DOCK3: variants seen among roughly 807,000 people sequenced by gnomAD.
DOCK3 encodes the protein dedicator of cytokinesis 3, also known as dedicator of cytokinesis protein 3.
DOCK3 carries 60 observed loss-of-function variants against 265.6 expected under a neutral mutation model. The observed-to-expected ratio is 0.23, with a 90% CI of 0.18 to 0.28. The LOEUF is 0.28. DOCK3 is among the 10% of genes least tolerant of loss of function. DOCK3 has a pLI of 1.00. For synonymous variants in DOCK3, 881 were observed against 938.0 expected, an observed-to-expected ratio of 0.94 and a Z score of 1.11; for missense variants, 1,981 against 2,594.3, an observed-to-expected ratio of 0.76 and a Z score of 5.14.
At chr3:50,733,704 T>A (rs1013549925) in intron 1 of DOCK3, among the ~76,000 whole-genome samples, 2 of 152,232 alleles carry the variant, frequency 1.3e-5, no homozygotes, top group African/African-American at 4.8e-5. Context: ...TTGGAGAATT[T>A]AATCTATTTG....
chr3:51,195,527 G>A (rs2088230673), intron 12 of DOCK3, among the ~76,000 whole-genome samples: 1 of 151,972 alleles, frequency 6.6e-6, no homozygotes, highest in Non-Finnish European at 1.5e-5. Flanking sequence ...TGATTCTCCT[G>A]CCACAGCCTC....
chr3:50,678,025 TATC>T (rs1039075166), intron 1 of DOCK3, among the ~76,000 whole-genome samples: 1 of 152,158 alleles, frequency 6.6e-6, no homozygotes, highest in African/African-American at 2.4e-5. Flanking sequence ...GTCTTAATGT[TATC>T]ATTATTACAC....
At chr3:51,057,745 G>A (rs1234073732) in intron 5 of DOCK3, among the ~76,000 whole-genome samples, 3 of 152,122 alleles carry the variant, frequency 2.0e-5, no homozygotes, top group Non-Finnish European at 2.9e-5. Flanking sequence ...TAGGGTCTCT[G>A]GTCAGAGAGG....
At chr3:50,860,176 C>T (rs944107386) in intron 3 of DOCK3, among the ~76,000 whole-genome samples, 1 of 152,196 alleles carries the variant, frequency 6.6e-6, no homozygotes, top group Non-Finnish European at 1.5e-5. Context: ...ATGGGACCTG[C>T]AGGAGACAGA....
intron 5 of DOCK3, among the ~76,000 whole-genome samples, chr3:50,963,802 G>C (rs571484911): frequency 3.3e-5 from 5 of 152,338 alleles, no homozygotes; most frequent in African/African-American, 1.2e-4. Flanking sequence ...GGGAAATCCA[G>C]TGGGTTCACT....
intron 5 of DOCK3, among the ~76,000 whole-genome samples, chr3:50,972,150 GT>G (rs2077257556): frequency 2.0e-5 from 3 of 152,204 alleles, no homozygotes. Context: ...CAGCTCTGTG[GT>G]TGTCCTGCTC....
At chr3:50,787,212 C>G (rs914453415) in intron 2 of DOCK3, 1 of 600,792 alleles carries the variant, frequency 1.7e-6, no homozygotes, top group Non-Finnish European at 3.1e-6. Context: ...CTGCATGTGC[C>G]TATGAGTAAT....
intron 5 of DOCK3, among the ~76,000 whole-genome samples, chr3:51,022,821 G>A (rs1004327779): frequency 5.9e-5 from 9 of 152,078 alleles, no homozygotes; most frequent in African/African-American, 9.7e-5. Context: ...TCACTTCTTA[G>A]ATTTAAGTTT....
chr3:50,943,596 C>T (rs2076353043), intron 5 of DOCK3, among the ~76,000 whole-genome samples: 1 of 151,964 alleles, frequency 6.6e-6, no homozygotes, highest in Non-Finnish European at 1.5e-5. Flanking sequence ...TCAAAGTTCT[C>T]AGTTGTGAAT....
chr3:50,977,760 C>T (rs2077516191), intron 5 of DOCK3, among the ~76,000 whole-genome samples: 1 of 152,056 alleles, frequency 6.6e-6, no homozygotes, highest in South Asian at 2.1e-4. Flanking sequence ...GTTCCATTCT[C>T]CCCGTCACTT....
At chr3:51,138,055 A>G (rs2084885367) in intron 9 of DOCK3, among the ~76,000 whole-genome samples, 1 of 152,190 alleles carries the variant, frequency 6.6e-6, no homozygotes, top group Non-Finnish European at 1.5e-5. Context: ...TGCCTTACAC[A>G]AAAGTGGGTT....
At chr3:51,261,306 CA>C (rs1399347506) in intron 23 of DOCK3, among the ~76,000 whole-genome samples, 1 of 152,050 alleles carries the variant, frequency 6.6e-6, no homozygotes, top group Non-Finnish European at 1.5e-5. Flanking sequence ...CTTGGAAGTA[CA>C]AGGGGTTGGG....
intron 25 of DOCK3, among the ~76,000 whole-genome samples, chr3:51,275,932 A>G (rs962436644): frequency 6.6e-6 from 1 of 152,212 alleles, no homozygotes; most frequent in Admixed American, 6.5e-5. Flanking sequence ...AAGGCATATT[A>G]CTTATAGAAA....
intron 6 of DOCK3, among the ~76,000 whole-genome samples, chr3:51,066,431 AATAAGTAT>A (rs1459323224): frequency 1.3e-5 from 2 of 152,330 alleles, no homozygotes; most frequent in Non-Finnish European, 2.9e-5. Flanking sequence ...CTCACAAAAG[AATAAGTAT>A]CATACTGTCC....
At chr3:51,360,731 T>A in intron 47 of DOCK3, 99 bp downstream of exon 47, 1 of 1,501,690 alleles carries the variant, frequency 6.7e-7, no homozygotes, top group Non-Finnish European at 9.0e-7. Flanking sequence ...TATTCCCTCT[T>A]ACCCATGCAC....
chr3:51,376,823 T>A (rs770358400), intron 51 of DOCK3, among the ~76,000 whole-genome samples: 5 of 152,226 alleles, frequency 3.3e-5, no homozygotes, highest in Non-Finnish European at 7.3e-5. Flanking sequence ...TGTGTCCTCT[T>A]TAAAGAGACA....
At chr3:50,837,917 C>T (rs554928426) in intron 2 of DOCK3, among the ~76,000 whole-genome samples, 1 of 152,116 alleles carries the variant, frequency 6.6e-6, no homozygotes, top group African/African-American at 2.4e-5. Context: ...TGGGGAGAAG[C>T]AGAGAGAGTG....
intron 12 of DOCK3, among the ~76,000 whole-genome samples, chr3:51,204,881 T>C (rs1003619359): frequency 6.6e-6 from 1 of 151,750 alleles, no homozygotes; most frequent in Non-Finnish European, 1.5e-5. Context: ...ATGGATGAAA[T>C]TGGAAATCAT....
At chr3:50,796,254 A>G (rs2042771806) in intron 2 of DOCK3, among the ~76,000 whole-genome samples, 1 of 150,728 alleles carries the variant, frequency 6.6e-6, no homozygotes, top group Non-Finnish European at 1.5e-5. Context: ...CATGGTCTGG[A>G]TCTCCTGACC....
Sources: allele counts gnomAD v4.1 joint callset (sites outside exome capture counted in the v4.1 genomes callset), GRCh38; gene constraint gnomAD v4.1.1; transcripts MANE v1.5; gene names NCBI Gene and HGNC (gene_info 2026-07-23, HGNC 2026-07-21).